Variants in RAP1GAP2 observed in about 807,000 individuals in gnomAD.
RAP1GAP2 encodes the protein rap1 GTPase-activating protein 2.
Under a neutral mutation model 95.0 loss-of-function variants are expected in RAP1GAP2, and 27 were observed. That is an observed-to-expected ratio of 0.28 (90% CI 0.21 to 0.39). RAP1GAP2 has a LOEUF of 0.39. RAP1GAP2 is among the 10% of genes least tolerant of loss of function. RAP1GAP2 has a pLI of 1.00. For synonymous variants in RAP1GAP2, 373 were observed against 380.9 expected (o/e 0.98, Z 0.24); for missense variants, 771 against 970.0 (o/e 0.79, Z 2.72).
At chr17:2,889,220 C>T (rs2073606409) in intron 2 of RAP1GAP2, among the ~76,000 whole-genome samples, 1 of 152,156 alleles carries the variant, frequency 6.6e-6, no homozygotes, top group African/African-American at 2.4e-5. Flanking sequence ...GGCTCTTGAG[C>T]AGGGAGATGA....
intron 3 of RAP1GAP2, among the ~76,000 whole-genome samples, chr17:2,917,395 C>T (rs923353543): frequency 3.9e-5 from 6 of 152,020 alleles, no homozygotes; most frequent in South Asian, 2.1e-4. Flanking sequence ...CTCAGCCTCC[C>T]GAGTAGCTGG....
At chr17:2,805,243 A>G (rs570768573) in intron 2 of RAP1GAP2, among the ~76,000 whole-genome samples, 6 of 152,298 alleles carry the variant, frequency 3.9e-5, no homozygotes, top group African/African-American at 1.4e-4. Context: ...TCTGGGGGCC[A>G]GCTGGGCATG....
At chr17:2,939,321 C>T (rs776102122) in intron 3 of RAP1GAP2, among the ~76,000 whole-genome samples, 11 of 152,360 alleles carry the variant, frequency 7.2e-5, no homozygotes, top group African/African-American at 9.6e-5. Context: ...AACTCCTGAC[C>T]TCAGGTGATC....
intron 17 of RAP1GAP2, among the ~76,000 whole-genome samples, chr17:3,015,303 A>G (rs896332550): frequency 2.0e-5 from 3 of 152,024 alleles, no homozygotes; most frequent in Non-Finnish European, 4.4e-5. Context: ...TACACACCTC[A>G]CTGTCAGTAG....
intron 22 of RAP1GAP2, among the ~76,000 whole-genome samples, chr17:3,030,282 C>G (rs200192568): frequency 6.6e-6 from 1 of 151,710 alleles, no homozygotes; most frequent in Admixed American, 6.6e-5. Context: ...TTGCTGTATC[C>G]GAGAAAAGTT....
chr17:2,862,521 C>T (rs2072444584), intron 2 of RAP1GAP2, among the ~76,000 whole-genome samples: 1 of 151,722 alleles, frequency 6.6e-6, no homozygotes, highest in African/African-American at 2.4e-5. Context: ...CACCCCCACG[C>T]CCCCCAACTC....
Position 2,857,507 on chromosome 17 carries a change from C to T in RAP1GAP2, c.81-47777C>T, listed in dbSNP as rs969958279. 6.6e-6 allele frequency among the ~76,000 whole-genome samples: 1 copy of T among 152,166 alleles called. No individual in the cohort carries two copies. Among genetic ancestry groups the T allele is most frequent in the African/African-American group, 2.4e-5 (1 of 41,420 alleles). On this transcript the variant is annotated intron_variant, in intron 2 of 24. Coordinates refer to ENST00000254695, the MANE Select transcript of RAP1GAP2 (RefSeq NM_015085.5). The surrounding 1 kb of genome is among the most constrained non-coding windows in gnomAD (Gnocchi z 4.0). ...GTGGTGATCATCATGTTGGACTTGA[C>T]CGTGCTCTACGGGAGCTGTGGGGCA...
chr17:2,881,996 A>G (rs2073315934), intron 2 of RAP1GAP2, among the ~76,000 whole-genome samples: 1 of 132,390 alleles, frequency 7.6e-6, no homozygotes, highest in Non-Finnish European at 1.6e-5. Flanking sequence ...AATTTTTTGT[A>G]TTTTTAGTAG....
chr17:2,873,805 C>G lies in RAP1GAP2; in HGVS notation c.81-31479C>G, dbSNP rs146725284. Among the ~76,000 whole-genome samples, 51 of 152,172 alleles carry G rather than the reference C, an allele frequency of 3.4e-4. No individual in the cohort carries two copies. In the East Asian group the frequency reaches 9.6e-3, roughly 29 times the overall value. On this transcript the variant is annotated intron_variant, in intron 2 of 24. Coordinates refer to ENST00000254695, the MANE Select transcript of RAP1GAP2 (RefSeq NM_015085.5). The stretch of plus-strand genomic sequence containing the variant: ...GAGATGGAGTTCCAGTCTTGTTGCT[C>G]AGGCTGGAGTGCAGTGGCGCGATCT...
chr17:2,975,342 T>C (rs923822643), intron 8 of RAP1GAP2, among the ~76,000 whole-genome samples: 1 of 152,140 alleles, frequency 6.6e-6, no homozygotes, highest in African/African-American at 2.4e-5. Context: ...GAATTAAAAA[T>C]ATAGCTATAT....
intron 3 of RAP1GAP2, among the ~76,000 whole-genome samples, chr17:2,916,808 G>C (rs772033882): frequency 2.0e-5 from 3 of 152,192 alleles, no homozygotes; most frequent in Non-Finnish European, 4.4e-5. Flanking sequence ...CACACAGTCA[G>C]GGCTTCTCTC....
chr17:2,958,649 G>T (rs554597653), intron 4 of RAP1GAP2, among the ~76,000 whole-genome samples: 101 of 152,196 alleles, frequency 6.6e-4, no homozygotes, highest in African/African-American at 2.4e-3. Flanking sequence ...GCACTCAAAG[G>T]GTGCGTGGCT....
chr17:2,889,892 T>A lies in RAP1GAP2; in HGVS notation c.81-15392T>A, dbSNP rs868030582. On this transcript the variant is annotated intron_variant, in intron 2 of 24. Transcript: ENST00000254695. Reference sequence around the variant, plus strand: ...ATATATATATATATATATATATATTTTTTTTTTTTTTTGTAGAGATGGGTT... The same window carrying A: ...ATATATATATATATATATATATATTATTTTTTTTTTTTGTAGAGATGGGTT... Among the ~76,000 whole-genome samples, 1,181 of 125,292 alleles carry A rather than the reference T, an allele frequency of 9.4e-3. 21 individuals carry two copies. The highest frequency in any genetic ancestry group is 0.033 in the African/African-American group (1,110 of 33,350). The allele number at this position is 125,292 out of a possible 152,430, so 82.2% of individuals were successfully genotyped here. A position where few individuals can be genotyped will look rare whatever the true frequency, so the allele number is the denominator to read the frequency against.
At chr17:2,991,904 A>G (rs369978192) in intron 12 of RAP1GAP2, among the ~76,000 whole-genome samples, 24 of 152,082 alleles carry the variant, frequency 1.6e-4, no homozygotes, top group East Asian at 1.6e-3. Context: ...AGCTGGGACT[A>G]CAGGCGCCCG....
At chr17:2,851,921 C>T (rs2071866547) in intron 2 of RAP1GAP2, among the ~76,000 whole-genome samples, 1 of 152,184 alleles carries the variant, frequency 6.6e-6, no homozygotes, top group Non-Finnish European at 1.5e-5. Context: ...CTCTCACCTG[C>T]TGGGAAGGAG....
At chr17:2,764,013 C>G (rs189421958) in intron 1 of RAP1GAP2, among the ~76,000 whole-genome samples, 9 of 152,050 alleles carry the variant, frequency 5.9e-5, no homozygotes, top group African/African-American at 2.2e-4. Flanking sequence ...ACGTCCTCAT[C>G]TATAAAATAA....
chr17:3,002,439 C>T (rs1011414223), intron 14 of RAP1GAP2, among the ~76,000 whole-genome samples: 2 of 152,180 alleles, frequency 1.3e-5, no homozygotes, highest in South Asian at 2.1e-4. Context: ...GGAGGGGGAC[C>T]AGCCTTCCAA....
In RAP1GAP2 at chr17:2,825,184, T is replaced by C. The variant is rs555186875; in HGVS notation, c.80+24634T>C. On this transcript the variant is annotated intron_variant, in intron 2 of 24. Transcript: ENST00000254695. The surrounding 1 kb of genome is among the most constrained non-coding windows in gnomAD (Gnocchi z 4.1). ...CCTGGCCTCAAGTGATCCTCCCACCTTGGCCTCCTAAATTGCTGGTATTAT... is the reference window on the plus strand; with the variant it reads ...CCTGGCCTCAAGTGATCCTCCCACCCTGGCCTCCTAAATTGCTGGTATTAT... Among the ~76,000 whole-genome samples, 1 of 152,264 alleles carries C rather than the reference T, an allele frequency of 6.6e-6. No homozygotes were observed. Among genetic ancestry groups the C allele is most frequent in the East Asian group, 1.9e-4 (1 of 5,182 alleles).
chr17:2,840,085 G>T (rs1035325872), intron 2 of RAP1GAP2, among the ~76,000 whole-genome samples: 1 of 152,040 alleles, frequency 6.6e-6, no homozygotes, highest in Admixed American at 6.6e-5. Context: ...CACTGTTGAT[G>T]TTGGCCTTGG....
Sources: gnomAD v4.1 joint callset for allele counts (sites outside exome capture counted in the v4.1 genomes callset) on GRCh38, gnomAD v4.1.1 for gene constraint, Gnocchi (gnomAD v3.1) non-coding constraint, MANE v1.5 for transcripts, NCBI Gene and HGNC (gene_info 2026-07-23, HGNC 2026-07-21) for gene names.